Variants in AUTS2 observed in about 807,000 individuals in gnomAD.
AUTS2 encodes the protein activator of transcription and developmental regulator AUTS2, also known as autism susceptibility gene 2 protein.
AUTS2 carries 17 observed loss-of-function variants against 112.4 expected under a neutral mutation model. The ratio of observed to expected loss-of-function variants is 0.15; its 90% CI spans 0.10 to 0.23. AUTS2 has a LOEUF of 0.23. AUTS2 is among the 10% of genes least tolerant of loss of function. AUTS2 has a pLI of 1.00. For synonymous variants in AUTS2, 751 were observed against 702.7 expected (o/e 1.07, Z -1.09); for missense variants, 1,510 against 1,701.6 (o/e 0.89, Z 1.98).
chr7:70,717,602 G>A (rs1245690647), intron 6 of AUTS2, among the ~76,000 whole-genome samples: 1 of 152,146 alleles, frequency 6.6e-6, no homozygotes, highest in Non-Finnish European at 1.5e-5. Flanking sequence ...AAGCGTGATA[G>A]ATAGGCCAAC....
chr7:70,719,519 A>G (rs1004808727), intron 6 of AUTS2, among the ~76,000 whole-genome samples: 4 of 129,830 alleles, frequency 3.1e-5, no homozygotes, highest in African/African-American at 1.2e-4. Flanking sequence ...GCTGGAGTGC[A>G]GTGGCTCTGT....
chr7:70,628,177 A>C (rs1223606906), intron 5 of AUTS2, among the ~76,000 whole-genome samples: 4 of 152,158 alleles, frequency 2.6e-5, no homozygotes, highest in Non-Finnish European at 5.9e-5. Flanking sequence ...CCAAAGAGGT[A>C]AGCAGAGGCC....
At chr7:70,498,907 G>C (rs1198032340) in intron 5 of AUTS2, among the ~76,000 whole-genome samples, 1 of 152,234 alleles carries the variant, frequency 6.6e-6, no homozygotes, top group African/African-American at 2.4e-5. Context: ...CTGAGCACAA[G>C]AGGAGGCTCA....
chr7:69,646,594 T>A (rs948119489), intron 1 of AUTS2, among the ~76,000 whole-genome samples: 5 of 152,228 alleles, frequency 3.3e-5, no homozygotes, highest in Non-Finnish European at 7.3e-5. Context: ...CTCTTAAACC[T>A]TTTAATTTTC....
chr7:70,221,892 A>G (rs186775739), intron 4 of AUTS2, among the ~76,000 whole-genome samples: 1 of 152,324 alleles, frequency 6.6e-6, no homozygotes, highest in East Asian at 1.9e-4. Flanking sequence ...TGTCTCAAAA[A>G]AATAATAATA....
chr7:69,786,087 T>TG (rs1400197241), intron 1 of AUTS2, among the ~76,000 whole-genome samples: 1 of 152,208 alleles, frequency 6.6e-6, no homozygotes, highest in Non-Finnish European at 1.5e-5. Flanking sequence ...TGAAGCCAGC[T>TG]GGACTTCCTG....
intron 1 of AUTS2, among the ~76,000 whole-genome samples, chr7:69,840,122 A>G (rs1339654575): frequency 6.6e-6 from 1 of 152,068 alleles, no homozygotes; most frequent in Non-Finnish European, 1.5e-5. Context: ...AATATTCCCA[A>G]TTGTTTTAGG....
intron 2 of AUTS2, among the ~76,000 whole-genome samples, chr7:70,018,475 C>T (rs1800130894): frequency 1.3e-5 from 2 of 152,130 alleles, no homozygotes; most frequent in Admixed American, 6.5e-5. Flanking sequence ...GGTGAAATAG[C>T]TTTCTCAAGG....
intron 5 of AUTS2, among the ~76,000 whole-genome samples, chr7:70,530,301 A>G (rs752585457): frequency 4.6e-5 from 7 of 152,180 alleles, no homozygotes; most frequent in Non-Finnish European, 8.8e-5. Flanking sequence ...AGTTAACTGT[A>G]TGAAGTAAAC....
At chr7:70,256,615 A>G (rs554378588) in intron 4 of AUTS2, among the ~76,000 whole-genome samples, 11 of 152,316 alleles carry the variant, frequency 7.2e-5, no homozygotes, top group African/African-American at 2.6e-4. Flanking sequence ...GCTTGCGTTC[A>G]GAAAACACAT....
intron 1 of AUTS2, among the ~76,000 whole-genome samples, chr7:69,835,164 T>A (rs1041244189): frequency 6.6e-5 from 10 of 151,984 alleles, no homozygotes; most frequent in Non-Finnish European, 1.5e-4. Context: ...TCTCACTAAT[T>A]TCTAGGTTTG....
chr7:70,002,554 G>A (rs964708178), intron 2 of AUTS2, among the ~76,000 whole-genome samples: 1 of 152,054 alleles, frequency 6.6e-6, no homozygotes, highest in Non-Finnish European at 1.5e-5. Flanking sequence ...TTTTGGCAGT[G>A]GCGAAAATAA....
At chr7:70,746,306 G>A (rs1026653445) in intron 6 of AUTS2, among the ~76,000 whole-genome samples, 2 of 151,940 alleles carry the variant, frequency 1.3e-5, no homozygotes, top group Non-Finnish European at 2.9e-5. Flanking sequence ...CCACCAGGCT[G>A]GGCTGATTTT....
intron 4 of AUTS2, among the ~76,000 whole-genome samples, chr7:70,284,438 G>C (rs1039049304): frequency 3.3e-5 from 5 of 151,988 alleles, no homozygotes; most frequent in African/African-American, 1.2e-4. Flanking sequence ...TTATGTGTTG[G>C]GAAGGGACCA....
chr7:70,016,408 G>T (rs984852646), intron 2 of AUTS2, among the ~76,000 whole-genome samples: 3 of 151,860 alleles, frequency 2.0e-5, no homozygotes, highest in African/African-American at 7.3e-5. Flanking sequence ...CACCAGGATC[G>T]TGTGATGGTT....
intron 1 of AUTS2, among the ~76,000 whole-genome samples, chr7:69,801,155 A>G (rs1047665664): frequency 5.9e-5 from 9 of 151,604 alleles, no homozygotes; most frequent in South Asian, 2.1e-4. Context: ...CAGGTTATCA[A>G]TAAACATTTT....
chr7:69,681,116 T>A (rs77499699), intron 1 of AUTS2, among the ~76,000 whole-genome samples: 1 of 152,188 alleles, frequency 6.6e-6, no homozygotes, highest in Non-Finnish European at 1.5e-5. Flanking sequence ...TACTGTTCCA[T>A]TGAATGTATA....
In AUTS2 at chr7:70,762,857, C is replaced by T; in HGVS notation, c.743-13C>T. 6.3e-7 allele frequency: 1 copy of T among 1,591,736 alleles called. No homozygotes were observed. Among genetic ancestry groups the T allele is most frequent in the Non-Finnish European group, 8.6e-7 (1 of 1,160,464 alleles). ...CATTGCCTGTGGTTTTGTCTTTGCT[C>T]TCTCCCATGCAGATCCGGAGTTAGG... On this transcript the variant is annotated splice_polypyrimidine_tract_variant and intron_variant, in intron 6 of 18. Coordinates refer to ENST00000342771, the MANE Select transcript of AUTS2 (RefSeq NM_015570.4).
At chr7:70,558,742 T>G (rs2129522247) in intron 5 of AUTS2, among the ~76,000 whole-genome samples, 1 of 152,370 alleles carries the variant, frequency 6.6e-6, no homozygotes, top group South Asian at 2.1e-4. Context: ...TCCTATTTCC[T>G]TTCTAGGTTG....
Sources: gnomAD v4.1 joint callset for allele counts (sites outside exome capture counted in the v4.1 genomes callset) on GRCh38, gnomAD v4.1.1 for gene constraint, MANE v1.5 for transcripts, NCBI Gene and HGNC (gene_info 2026-07-23, HGNC 2026-07-21) for gene names.